The following CSMD1 variants were observed in gnomAD, a reference collection of about 807,000 sequenced individuals.
CSMD1 encodes the protein CUB and Sushi multiple domains 1, also known as CUB and sushi domain-containing protein 1.
Under a neutral mutation model 417.5 loss-of-function variants are expected in CSMD1, and 213 were observed. That is an observed-to-expected ratio of 0.51 (90% CI 0.46 to 0.57). The LOEUF is 0.57. Among genes scored for constraint, CSMD1 ranks in the 20% least tolerant of loss-of-function variants. CSMD1 has a pLI of 0.00. For synonymous variants in CSMD1, 2,862 were observed against 1,736.8 expected (o/e 1.65, Z -16.11); for missense variants, 6,923 against 4,529.7 (o/e 1.53, Z -15.17).
intron 12 of CSMD1, among the ~76,000 whole-genome samples, chr8:3,430,291 A>G (rs1005601751): frequency 2.6e-5 from 4 of 152,142 alleles, no homozygotes; most frequent in Non-Finnish European, 4.4e-5. Context: ...GTGACATTTA[A>G]TAACTGCTTA....
intron 12 of CSMD1, among the ~76,000 whole-genome samples, chr8:3,413,514 G>A (rs1409128809): frequency 6.6e-6 from 1 of 152,098 alleles, no homozygotes; most frequent in African/African-American, 2.4e-5. Flanking sequence ...AAAGTAGCAC[G>A]GTCCAAACTC....
intron 2 of CSMD1, among the ~76,000 whole-genome samples, chr8:4,488,624 G>A (rs1039547135): frequency 6.6e-6 from 1 of 151,698 alleles, no homozygotes; most frequent in East Asian, 1.9e-4. Context: ...CCAATCTATA[G>A]CAAAATACTC....
chr8:3,715,390 C>A (rs1428982558), intron 6 of CSMD1, among the ~76,000 whole-genome samples: 2 of 152,154 alleles, frequency 1.3e-5, no homozygotes, highest in African/African-American at 4.8e-5. Context: ...TCCAGGTCTG[C>A]CCTAAAGCTC....
intron 5 of CSMD1, among the ~76,000 whole-genome samples, chr8:3,962,871 G>A (rs113460980): frequency 1.3e-5 from 2 of 152,132 alleles, no homozygotes; most frequent in African/African-American, 4.8e-5. Flanking sequence ...TATTCAAGCT[G>A]TAAAACAACT....
intron 1 of CSMD1, among the ~76,000 whole-genome samples, chr8:4,694,073 A>T (rs1031718648): frequency 1.3e-5 from 2 of 152,176 alleles, no homozygotes; most frequent in Admixed American, 6.5e-5. Flanking sequence ...CTCCCATCCT[A>T]TTCCAAAAAA....
At chr8:4,083,268 C>T (rs961102006) in intron 3 of CSMD1, among the ~76,000 whole-genome samples, 3 of 152,180 alleles carry the variant, frequency 2.0e-5, no homozygotes, top group Non-Finnish European at 2.9e-5. Context: ...ACAACCTCTC[C>T]AGCACCTGTC....
At chr8:4,601,999 CT>C (rs1222521166) in intron 2 of CSMD1, among the ~76,000 whole-genome samples, 1 of 152,098 alleles carries the variant, frequency 6.6e-6, no homozygotes, top group Non-Finnish European at 1.5e-5. Context: ...AAGCTTTTAT[CT>C]TTACCTTCCA....
At chr8:3,159,025 T>C (rs1005322918) in intron 38 of CSMD1, among the ~76,000 whole-genome samples, 3 of 152,198 alleles carry the variant, frequency 2.0e-5, no homozygotes, top group Admixed American at 1.3e-4. Flanking sequence ...TAAAAGTAGT[T>C]ACAGTAAAGA....
In CSMD1 at chr8:4,413,176, C is replaced by T. The variant is rs117229159; in HGVS notation, c.415+6777G>A. The stretch of plus-strand genomic sequence containing the variant: ...GGACCAGAATAATCAGAGTTAACAC[C>T]TTAAATTCACAAACATCCCAGGGAG... On this transcript the variant is annotated intron_variant, in intron 3 of 69. Coordinates refer to ENST00000635120, the MANE Select transcript of CSMD1 (RefSeq NM_033225.6). 1.3e-3 allele frequency among the ~76,000 whole-genome samples: 192 copies of T among 152,248 alleles called. 1 individual carries two copies. The highest frequency in any genetic ancestry group is 2.2e-3 in the Non-Finnish European group (153 of 68,028).
At chr8:3,805,088 G>A (rs993349541) in intron 5 of CSMD1, among the ~76,000 whole-genome samples, 4 of 142,468 alleles carry the variant, frequency 2.8e-5, no homozygotes. Flanking sequence ...CAGATACTAC[G>A]GGAACCCCAC....
At chr8:3,293,031 A>G (rs545979315) in intron 25 of CSMD1, among the ~76,000 whole-genome samples, 39 of 152,112 alleles carry the variant, frequency 2.6e-4, no homozygotes, top group African/African-American at 8.0e-4. Flanking sequence ...GGTGGTGACA[A>G]AATCTCTCAG....
intron 43 of CSMD1, among the ~76,000 whole-genome samples, chr8:3,109,102 T>C: frequency 6.6e-6 from 1 of 152,050 alleles, no homozygotes; most frequent in Admixed American, 6.6e-5. Flanking sequence ...CTGTCTCTAC[T>C]AAAATTACAA....
intron 1 of CSMD1, among the ~76,000 whole-genome samples, chr8:4,816,409 G>T (rs1233342637): frequency 6.6e-6 from 1 of 151,960 alleles, no homozygotes; most frequent in East Asian, 1.9e-4. Flanking sequence ...GTGGGGTGGT[G>T]GAGTGAGGGC....
At chr8:3,952,783 G>A (rs912136756) in intron 5 of CSMD1, among the ~76,000 whole-genome samples, 2 of 152,092 alleles carry the variant, frequency 1.3e-5, no homozygotes, top group African/African-American at 4.8e-5. Flanking sequence ...AACAAAAGAA[G>A]TACTTGATTA....
chr8:3,734,068 G>A (rs564555135), intron 6 of CSMD1, among the ~76,000 whole-genome samples: 8 of 152,058 alleles, frequency 5.3e-5, no homozygotes, highest in African/African-American at 1.4e-4. Context: ...AAAATACAAA[G>A]AATTTTTAAG....
At chr8:4,867,361 A>T (rs1054996454) in intron 1 of CSMD1, among the ~76,000 whole-genome samples, 1 of 152,064 alleles carries the variant, frequency 6.6e-6, no homozygotes, top group African/African-American at 2.4e-5. Context: ...TTCCTCTTTA[A>T]ATAGTTGGCC....
intron 23 of CSMD1, among the ~76,000 whole-genome samples, chr8:3,341,859 G>A (rs1415867478): frequency 1.3e-5 from 2 of 152,104 alleles, no homozygotes; most frequent in Admixed American, 6.5e-5. Flanking sequence ...AGGAAGCGGG[G>A]ATGAAGACAT....
At chr8:3,422,199 C>G (rs182554788) in intron 12 of CSMD1, among the ~76,000 whole-genome samples, 1 of 152,146 alleles carries the variant, frequency 6.6e-6, no homozygotes, top group African/African-American at 2.4e-5. Context: ...CTTGTTGCCT[C>G]TCACCATGAA....
At chr8:4,008,688 G>T (rs1322918489) in intron 4 of CSMD1, among the ~76,000 whole-genome samples, 3 of 132,754 alleles carry the variant, frequency 2.3e-5, no homozygotes, top group South Asian at 4.7e-4. Context: ...TCAGGTAACT[G>T]CAAGCTCCCC....
Sources: gnomAD v4.1 joint callset for allele counts (sites outside exome capture counted in the v4.1 genomes callset) on GRCh38, gnomAD v4.1.1 for gene constraint, MANE v1.5 for transcripts, NCBI Gene and HGNC (gene_info 2026-07-23, HGNC 2026-07-21) for gene names.